The following LEMD1 variants were observed in gnomAD, a reference collection of about 807,000 sequenced individuals.
LEMD1 encodes the protein LEM domain-containing protein 1.
In LEMD1, 18 loss-of-function variants were observed where a neutral mutation model predicts 17.4. The ratio of observed to expected loss-of-function variants is 1.04; its 90% CI spans 0.72 to 1.54. The LOEUF is 1.54. Ranked by LOEUF, LEMD1 falls within the 40% of genes most tolerant of loss-of-function variation. LEMD1 has a pLI of 0.00. For missense variants in LEMD1, 195 were observed against 210.4 expected (o/e 0.93, Z 0.45); for synonymous variants, 88 against 77.8 (o/e 1.13, Z -0.69).
chr1:205,390,095 C>T (rs1350655210), intron 4 of LEMD1, among the ~76,000 whole-genome samples: 1 of 152,144 alleles, frequency 6.6e-6, no homozygotes, highest in Non-Finnish European at 1.5e-5. Flanking sequence ...TGGCTCACGC[C>T]TGTAATTGCA....
intron 5 of LEMD1, among the ~76,000 whole-genome samples, chr1:205,383,689 A>G (rs886901585): frequency 7.0e-6 from 1 of 142,596 alleles, no homozygotes; most frequent in Non-Finnish European, 1.5e-5. Context: ...GCTGGAGTGC[A>G]GTGGCATGAT....
chr1:205,419,150 T>C, intron 3 of LEMD1, 80 bp downstream of exon 3: 1 of 1,539,068 alleles, frequency 6.5e-7, no homozygotes, highest in South Asian at 1.2e-5. Flanking sequence ...CTGCACACCA[T>C]TTAAAGCTGC....
In LEMD1 at chr1:205,441,186, C is replaced by T. The variant is rs1041207860; in HGVS notation, c.-39+8682G>A. The T allele has an allele frequency of 1.3e-5, 2 of 152,290 alleles. No homozygotes were observed. The highest frequency in any genetic ancestry group is 4.8e-5 in the African/African-American group (2 of 41,416). 9.4% of individuals were successfully genotyped at this position (152,290 alleles called of 1,614,324 possible). A position where few individuals can be genotyped will look rare whatever the true frequency, so the allele number is the denominator to read the frequency against. ...AGTCATTGCCACTCCCTGAGGCGGC[C>T]CGCTAGGTCTCTCACACCGGCTGGG... On this transcript the variant is annotated intron_variant, in intron 1 of 3. Coordinates refer to the LEMD1 transcript ENST00000367154. This position sits in a 1 kb window ranked among gnomAD's most constrained non-coding sequence, Gnocchi z 4.3.
At position 205,418,366 on chromosome 1, in the gene LEMD1, C is replaced by T. The variant is rs116032424; in HGVS notation, c.205+864G>A. Among the ~76,000 whole-genome samples, 484 of 152,272 alleles carry T rather than the reference C, an allele frequency of 3.2e-3. 1 individual carries two copies. The highest frequency in any genetic ancestry group is 0.011 in the African/African-American group (459 of 41,550). ...AAACCACTGCAGGAGAATGGTGTAC[C>T]CAGAGCAGGGGCCACTGTCAGCAAA... On this transcript the variant is annotated intron_variant, in intron 3 of 5. Transcript: ENST00000367153.
intron 4 of LEMD1, among the ~76,000 whole-genome samples, chr1:205,415,304 A>T (rs1428675418): frequency 6.6e-6 from 1 of 152,166 alleles, no homozygotes; most frequent in African/African-American, 2.4e-5. Flanking sequence ...GGCACTTCCC[A>T]GTAGGCAGTT....
Position 205,419,231 on chromosome 1 carries a change from T to C in LEMD1, c.204A>G (p.Glu68=), listed in dbSNP as rs1558735053. The change falls in exon 3 of 6, where the codon GAA becomes GAG. Residue 68 remains glutamate (E), a splice_region_variant and synonymous_variant. Coordinates refer to ENST00000367153, the MANE Select transcript of LEMD1 (RefSeq NM_001199050.2). ...LDGAQDSDDS[E]ELNIILQGNI... is the part of the protein sequence containing the mutation. ...TAGCAGTACAGCTTATGGCGGTACC[T>C]TCGCTGTCATCACTGTCCTGCGCTC... The C allele has an allele frequency of 2.5e-6, 4 of 1,614,060 alleles. No homozygotes were observed. Among genetic ancestry groups the C allele is most frequent in the Non-Finnish European group, 3.4e-6 (4 of 1,179,980 alleles).
intron 1 of LEMD1, among the ~76,000 whole-genome samples, chr1:205,434,530 G>T (rs150770533): frequency 1.8e-3 from 279 of 151,984 alleles, no homozygotes; most frequent in South Asian, 4.8e-3. Flanking sequence ...TCACATTGTA[G>T]TCCTAAACCA....
At chr1:205,402,746 G>A (rs1320941115) in intron 4 of LEMD1, among the ~76,000 whole-genome samples, 3 of 149,178 alleles carry the variant, frequency 2.0e-5, no homozygotes, top group African/African-American at 7.4e-5. Flanking sequence ...TGTTGAATAG[G>A]AGTGGTGAGA....
intron 3 of LEMD1, among the ~76,000 whole-genome samples, chr1:205,416,877 G>C (rs1010125007): frequency 6.6e-6 from 1 of 152,170 alleles, no homozygotes; most frequent in South Asian, 2.1e-4. Context: ...AATTAAAGCT[G>C]TGTCTCCCCA....
intron 1 of LEMD1, among the ~76,000 whole-genome samples, chr1:205,444,111 T>C (rs996866767): frequency 3.3e-5 from 5 of 152,088 alleles, no homozygotes; most frequent in African/African-American, 1.2e-4. Context: ...GAGCTCATCA[T>C]GGGAACTCCC....
intron 4 of LEMD1, among the ~76,000 whole-genome samples, chr1:205,414,556 C>T (rs1461188977): frequency 1.3e-5 from 2 of 152,062 alleles, no homozygotes; most frequent in African/African-American, 2.4e-5. Context: ...CCCCAAGTAG[C>T]TGGGATCACA....
chr1:205,398,803 C>G (rs1238619108), intron 4 of LEMD1, among the ~76,000 whole-genome samples: 3 of 152,154 alleles, frequency 2.0e-5, no homozygotes, highest in African/African-American at 7.2e-5. Context: ...GAAGAGGGCT[C>G]TCTTGTAGTA....
At chr1:205,402,155 C>T (rs1664882667) in intron 4 of LEMD1, among the ~76,000 whole-genome samples, 1 of 152,066 alleles carries the variant, frequency 6.6e-6, no homozygotes, top group Non-Finnish European at 1.5e-5. Flanking sequence ...CAGCTTTGTT[C>T]TTTTGGCTTA....
Position 205,441,346 on chromosome 1 carries a change from T to C in LEMD1, c.-39+8522A>G, listed in dbSNP as rs1666291778. ...AAGAGAATGCCCAGCTGCTGCCTCC[T>C]TTTTTCCCCTCCCACCCGCTCTGCC... On this transcript the variant is annotated intron_variant, in intron 1 of 3. Coordinates refer to the LEMD1 transcript ENST00000367154. The surrounding 1 kb of genome is among the most constrained non-coding windows in gnomAD (Gnocchi z 4.3). Among the ~76,000 whole-genome samples the C allele has an allele frequency of 6.6e-6, 1 of 152,088 alleles. No homozygotes were observed. Among genetic ancestry groups the C allele is most frequent in the Non-Finnish European group, 1.5e-5 (1 of 67,998 alleles).
intron 3 of LEMD1, among the ~76,000 whole-genome samples, chr1:205,418,124 G>A (rs931249741): frequency 1.3e-5 from 2 of 152,166 alleles, no homozygotes; most frequent in Admixed American, 1.3e-4. Flanking sequence ...TGCTGGGCCA[G>A]TCACTTGGCC....
At chr1:205,434,400 A>G (rs186271907) in intron 1 of LEMD1, among the ~76,000 whole-genome samples, 143 of 150,080 alleles carry the variant, frequency 9.5e-4, no homozygotes, top group Non-Finnish European at 9.8e-4. Context: ...AAGTCTGGCT[A>G]TGTTGCCCAG....
intron 1 of LEMD1, among the ~76,000 whole-genome samples, chr1:205,428,066 G>A (rs1339936469): frequency 6.6e-6 from 1 of 152,254 alleles, no homozygotes; most frequent in East Asian, 1.9e-4. Context: ...GGCCTAGGAA[G>A]CAGGATAAGG....
At chr1:205,415,105 C>A (rs899020107) in intron 4 of LEMD1, among the ~76,000 whole-genome samples, 1 of 152,056 alleles carries the variant, frequency 6.6e-6, no homozygotes, top group African/African-American at 2.4e-5. Context: ...GCCGCAGATG[C>A]AGGTTTAGGG....
intron 3 of LEMD1, among the ~76,000 whole-genome samples, chr1:205,418,593 G>A (rs1172486342): frequency 2.0e-5 from 3 of 152,178 alleles, no homozygotes; most frequent in Non-Finnish European, 4.4e-5. Context: ...TTGGCTCACT[G>A]CAACCTCCGC....
Sources: allele counts gnomAD v4.1 joint callset (sites outside exome capture counted in the v4.1 genomes callset), GRCh38; gene constraint gnomAD v4.1.1; non-coding constraint Gnocchi (gnomAD v3.1); transcripts MANE v1.5; gene names NCBI Gene and HGNC (gene_info 2026-07-23, HGNC 2026-07-21).